Variants in CLN3 observed in about 807,000 individuals in gnomAD.
CLN3 encodes battenin.
In CLN3, 49 loss-of-function variants were observed where a neutral mutation model predicts 60.7. The ratio of observed to expected loss-of-function variants is 0.81; its 90% CI spans 0.64 to 1.02. The LOEUF is 1.02. CLN3 is among the 50% of genes least tolerant of loss of function. The probability of loss-of-function intolerance (pLI) is 0.00; values close to 1 mark genes in which losing one functional copy is unlikely to be tolerated. For missense variants in CLN3, 516 were observed against 557.4 expected (o/e 0.93, Z 0.75); for synonymous variants, 256 against 245.8 (o/e 1.04, Z -0.39).
At chr16:28,476,982 T>C (rs1189697024), downstream of CLN3, 1 of 179,792 alleles carries the variant, frequency 5.6e-6, no homozygotes, top group Non-Finnish European at 1.2e-5. Flanking sequence ...ACTAAAAATA[T>C]AAAAATTAGC....
intron 14 of CLN3, among the ~76,000 whole-genome samples, 195 bp from the exon 15 acceptor site, chr16:28,478,072 C>A (rs1305393604): frequency 2.0e-5 from 3 of 152,008 alleles, no homozygotes; most frequent in Non-Finnish European, 4.4e-5. Context: ...CTGAGGTGGG[C>A]AGATCACCTG....
chr16:28,479,959 A>G (rs1467368419), intron 14 of CLN3, among the ~76,000 whole-genome samples: 1 of 152,070 alleles, frequency 6.6e-6, no homozygotes, highest in Non-Finnish European at 1.5e-5. Context: ...TGCTTTTGCC[A>G]TAATATGAAA....
intron 13 of CLN3, 43 bp from the exon 14 acceptor site, chr16:28,482,241 A>C: frequency 6.2e-7 from 1 of 1,602,184 alleles, no homozygotes; most frequent in South Asian, 1.1e-5. Context: ...TCCTCCAGGG[A>C]CCATCCCGCT....
intron 2 of CLN3, 70 bp from the exon 3 acceptor site, chr16:28,491,630 C>G: frequency 6.2e-7 from 1 of 1,613,620 alleles, no homozygotes; most frequent in Non-Finnish European, 8.5e-7. Flanking sequence ...GCGTGTCCTC[C>G]CGGGGCCGAG....
At chr16:28,473,967 A>G (rs947525220), downstream of CLN3, 4 of 152,234 alleles carry the variant, frequency 2.6e-5, no homozygotes, top group African/African-American at 9.6e-5. Flanking sequence ...GGAAAAAAAA[A>G]AAACAAAAAC....
At chr16:28,489,231 C>A (rs2141717865) in intron 4 of CLN3, 59 bp downstream of exon 4, 1 of 1,356,550 alleles carries the variant, frequency 7.4e-7, no homozygotes, top group Admixed American at 1.9e-5. Flanking sequence ...CCACCTTGTC[C>A]CACCCCCTCA....
At chr16:28,477,073 T>A, downstream of CLN3, 1 of 229,304 alleles carries the variant, frequency 4.4e-6, no homozygotes, top group Non-Finnish European at 8.7e-6. Context: ...GAAGTGGAGG[T>A]TGCAGTGAGC....
Position 28,487,512 on chromosome 16 carries a change from G to A in CLN3, c.404C>T (p.Ala135Val), listed in dbSNP as rs770702932. Residue 135 changes from alanine to valine, a missense_variant, in exon 7 of 16, where the codon GCT becomes GTT. Coordinates refer to ENST00000636147, the MANE Select transcript of CLN3 (RefSeq NM_001042432.2). ...SPRVLVSGICAAGSFVLVAFS... is the reference protein window; with the variant it reads ...SPRVLVSGICVAGSFVLVAFS... ...GGCAACCAGGACGAAGCTTCCAGCAGCACAAATCCCACTGACGAGAACCCG... is the reference window on the plus strand; with the variant it reads ...GGCAACCAGGACGAAGCTTCCAGCAACACAAATCCCACTGACGAGAACCCG... 1 of 1,614,018 alleles carries A rather than the reference G, an allele frequency of 6.2e-7. No individual in the cohort carries two copies. The highest frequency in any genetic ancestry group is 1.1e-5 in the South Asian group (1 of 91,082).
chr16:28,491,349 G>A, intron 3 of CLN3, 133 bp downstream of exon 3: 2 of 1,315,250 alleles, frequency 1.5e-6, no homozygotes, highest in Non-Finnish European at 2.1e-6. Flanking sequence ...CTGCCCCTGG[G>A]GCAAACCAGT....
chr16:28,484,289 CA>C (rs1253909817), intron 9 of CLN3, 171 bp from the exon 10 acceptor site: 12 of 641,998 alleles, frequency 1.9e-5, no homozygotes, highest in Non-Finnish European at 3.1e-5. Flanking sequence ...CAATTGTGGA[CA>C]AAGGCTTCTT....
chr16:28,481,452 A>ACACACACACACACG (rs899235845), intron 14 of CLN3, among the ~76,000 whole-genome samples: 3 of 117,758 alleles, frequency 2.5e-5, no homozygotes, highest in African/African-American at 1.1e-4. Flanking sequence ...ACACACACAC[A>ACACACACACACACG]CGCACACACA....
rs1384612641 is a variant in CLN3, at chr16:28,484,116, T to C, written c.680A>G (p.Tyr227Cys). The C allele has an allele frequency of 2.5e-6, 4 of 1,605,448 alleles. No homozygotes were observed. Among genetic ancestry groups the C allele is most frequent in the South Asian group, 1.1e-5 (1 of 89,568 alleles). ...LGIPALLLAS[Y>C]FLLLTSPEAQ... Reference sequence around the variant, plus strand: ...CTCAGGAGATGTGAGCAACAAGAAATAGCTAGGAGTAGGATGAAGGCAGGG... The same window carrying C: ...CTCAGGAGATGTGAGCAACAAGAAACAGCTAGGAGTAGGATGAAGGCAGGG... The change falls in exon 10 of 16, where the codon TAT (tyrosine) becomes TGT (cysteine). Residue 227 changes from tyrosine (Y) to cysteine (C), a missense_variant and splice_region_variant. Tyr to Cys is a radical substitution (Grantham distance 194). Coordinates refer to ENST00000636147, the MANE Select transcript of CLN3 (RefSeq NM_001042432.2).
chr16:28,489,854 C>T (rs1486785389), intron 3 of CLN3, among the ~76,000 whole-genome samples: 1 of 151,934 alleles, frequency 6.6e-6, no homozygotes, highest in Non-Finnish European at 1.5e-5. Flanking sequence ...GTCAGGAGTT[C>T]GAGACCAGCC....
chr16:28,490,654 G>A (rs1273493726), intron 3 of CLN3, among the ~76,000 whole-genome samples: 1 of 150,522 alleles, frequency 6.6e-6, no homozygotes, highest in African/African-American at 2.4e-5. Context: ...CAGCTACTCC[G>A]GAGGCTGAGG....
chr16:28,486,125 G>C (rs1263311432), intron 9 of CLN3, among the ~76,000 whole-genome samples: 2 of 151,938 alleles, frequency 1.3e-5, no homozygotes, highest in Non-Finnish European at 2.9e-5. Flanking sequence ...AGCCTCCTGA[G>C]TAGTTGGGAC....
intron 3 of CLN3, among the ~76,000 whole-genome samples, chr16:28,490,084 G>A (rs2141719210): frequency 6.6e-6 from 1 of 150,634 alleles, no homozygotes; most frequent in East Asian, 2.0e-4. Context: ...AAGGAGAGTG[G>A]TCACAGAGAG....
At chr16:28,488,867 G>A (rs576019222) in intron 4 of CLN3, among the ~76,000 whole-genome samples, 28 of 152,228 alleles carry the variant, frequency 1.8e-4, no homozygotes, top group African/African-American at 6.0e-4. Flanking sequence ...GCCACAGATG[G>A]CCCTGTAAAT....
intron 9 of CLN3, chr16:28,485,025 A>C (rs2046181413): frequency 6.6e-6 from 1 of 151,088 alleles, no homozygotes; most frequent in Non-Finnish European, 1.5e-5. Context: ...GGCTCACTGC[A>C]ACCTCTGCCT....
chr16:28,469,937 A>G (rs1489804096), downstream of CLN3: 2 of 286,618 alleles, frequency 7.0e-6, no homozygotes, highest in Non-Finnish European at 1.3e-5. Flanking sequence ...TTGCCACTGC[A>G]CTCCAGCCTG....
Sources: allele counts gnomAD v4.1 joint callset (sites outside exome capture counted in the v4.1 genomes callset), GRCh38; gene constraint gnomAD v4.1.1; transcripts MANE v1.5; gene names NCBI Gene and HGNC (gene_info 2026-07-23, HGNC 2026-07-21).